Variants in FBXW8 observed in about 807,000 individuals in gnomAD.
FBXW8 encodes F-box/WD repeat-containing protein 8.
FBXW8 carries 57 observed loss-of-function variants against 65.3 expected under a neutral mutation model. The observed-to-expected ratio is 0.87, with a 90% CI of 0.71 to 1.09. The LOEUF (loss-of-function observed/expected upper bound fraction) is 1.09, where lower values mean the gene tolerates loss of function less well. Among genes scored for constraint, FBXW8 ranks in the 50% least tolerant of loss-of-function variants. The pLI is 0.00. For synonymous variants in FBXW8, 308 were observed against 330.2 expected, an observed-to-expected ratio of 0.93 and a Z score of 0.73; for missense variants, 777 against 814.8, an observed-to-expected ratio of 0.95 and a Z score of 0.57.
chr12:116,912,680 G>T (rs1191837442), intron 1 of FBXW8, among the ~76,000 whole-genome samples: 1 of 151,848 alleles, frequency 6.6e-6, no homozygotes, highest in Non-Finnish European at 1.5e-5. Context: ...AGCCAGGATG[G>T]TCTCGATCTC....
intron 1 of FBXW8, among the ~76,000 whole-genome samples, chr12:116,925,614 G>A (rs1005889644): frequency 6.6e-6 from 1 of 152,064 alleles, no homozygotes; most frequent in African/African-American, 2.4e-5. Flanking sequence ...CTCTTTTGGA[G>A]TTTAGATCAT....
Position 117,024,239 on chromosome 12 carries a change from A to T in FBXW8, c.1460A>T (p.Lys487Met). The T allele has an allele frequency of 6.2e-7, 1 of 1,614,210 alleles. No homozygotes were observed. Among genetic ancestry groups the T allele is most frequent in the South Asian group, 1.1e-5 (1 of 91,082 alleles). Residue 487 changes from lysine to methionine, a missense_variant, in exon 9 of 11, where the codon AAG becomes ATG. By Grantham distance (95) the Lys-to-Met change is moderately conservative. Coordinates refer to ENST00000652555, the MANE Select transcript of FBXW8 (RefSeq NM_153348.3). ...TCTGCTGTGCAGATGGATGACTGGA[A>T]GATCGTCAGTGGAGGCGAGGAAGGC... ...RVSAVQMDDW[K>M]IVSGGEEGLV...
chr12:117,000,953 GT>G (rs1369317211), intron 7 of FBXW8, among the ~76,000 whole-genome samples: 1 of 152,198 alleles, frequency 6.6e-6, no homozygotes, highest in East Asian at 1.9e-4. Context: ...AGCTCCTTTT[GT>G]TGCCCATGTA....
chr12:117,005,329 C>G (rs17616800), intron 7 of FBXW8, among the ~76,000 whole-genome samples: 5 of 152,136 alleles, frequency 3.3e-5, no homozygotes, highest in Non-Finnish European at 7.3e-5. Context: ...TAGTGAGATG[C>G]GGGAATGTGT....
At chr12:116,987,451 C>G (rs10774895) in intron 6 of FBXW8, 83,657 of 152,222 alleles carry the variant, frequency 0.55, 26,536 homozygotes, top group Admixed American at 0.7. Flanking sequence ...GTCTCAGACT[C>G]GTGCACATTA....
rs145304670 is a variant in FBXW8 at position 116,954,777 on chromosome 12, C to A, written c.677+5071C>A. Reference sequence around the variant, plus strand: ...TTGTAGCCCTCAGCTTCTTTGCAATCTAACCTTTTGACTTGAAGTCTCCAA... The same window carrying A: ...TTGTAGCCCTCAGCTTCTTTGCAATATAACCTTTTGACTTGAAGTCTCCAA... On this transcript the variant is annotated intron_variant, in intron 4 of 10. Coordinates refer to ENST00000652555, the MANE Select transcript of FBXW8 (RefSeq NM_153348.3). Among the ~76,000 whole-genome samples the A allele has an allele frequency of 5.9e-5, 9 of 152,232 alleles. No homozygotes were observed. The East Asian group carries it at 1.7e-3, about 29-fold the overall frequency.
Position 116,961,104 on chromosome 12 carries a change from T to C in FBXW8, c.678-3593T>C, listed in dbSNP as rs1227973993. Among the ~76,000 whole-genome samples, 1 of 152,190 alleles carries C rather than the reference T, an allele frequency of 6.6e-6. No individual in the cohort carries two copies. Among genetic ancestry groups the C allele is most frequent in the East Asian group, 1.9e-4 (1 of 5,190 alleles). The stretch of plus-strand genomic sequence containing the variant: ...CTCCACCTCCCAGTTCAAGCGATTC[T>C]TCTGCCTCAGCCTCCCAAGTAGGTG... On this transcript the variant is annotated intron_variant, in intron 4 of 10. Coordinates refer to ENST00000652555, the MANE Select transcript of FBXW8 (RefSeq NM_153348.3). This position sits in a 1 kb window ranked among gnomAD's most constrained non-coding sequence, Gnocchi z 4.4.
intron 5 of FBXW8, among the ~76,000 whole-genome samples, chr12:116,980,632 AAAT>A (rs1335761515): frequency 6.6e-6 from 1 of 152,220 alleles, no homozygotes; most frequent in East Asian, 1.9e-4. Flanking sequence ...ATTTAAAAAA[AAAT>A]ACCTATTTGA....
At chr12:116,997,430 G>A in intron 7 of FBXW8, among the ~76,000 whole-genome samples, 1 of 152,190 alleles carries the variant, frequency 6.6e-6, no homozygotes, top group Admixed American at 6.5e-5. Flanking sequence ...ACTGAGCAAG[G>A]GTTCTGCAGT....
At chr12:116,999,189 C>T (rs530041827) in intron 7 of FBXW8, among the ~76,000 whole-genome samples, 10 of 152,336 alleles carry the variant, frequency 6.6e-5, no homozygotes, top group African/African-American at 2.2e-4. Context: ...CACATCTGAG[C>T]GGTCGCATCC....
chr12:116,956,043 T>G (rs2137371389), intron 4 of FBXW8, among the ~76,000 whole-genome samples: 1 of 152,346 alleles, frequency 6.6e-6, no homozygotes, highest in East Asian at 1.9e-4. Flanking sequence ...TTCATAAGGC[T>G]AAAGCATTCT....
intron 1 of FBXW8, among the ~76,000 whole-genome samples, chr12:116,912,171 G>GTTTTTTT (rs57142470): frequency 7.6e-6 from 1 of 131,006 alleles, no homozygotes; most frequent in Non-Finnish European, 1.6e-5. Flanking sequence ...TTTTTTTCCT[G>GTTTTTTT]TTTTTTTTTT....
In FBXW8 at chr12:116,985,319, G is replaced by A. The variant is rs1407965861; in HGVS notation, c.949G>A (p.Ala317Thr). 1 of 1,614,220 alleles carries A rather than the reference G, an allele frequency of 6.2e-7. No homozygotes were observed. The highest frequency in any genetic ancestry group is 1.1e-5 in the South Asian group (1 of 91,082). ...CCAGGACGATGCAACCGTGGCCACA[G>A]CTTCTGCTTTTGATGTCGTGATGTT... ...LSQDDATVAT[A>T]SAFDVVMLSP... The change falls in exon 6 of 11, where the codon GCT becomes ACT. Residue 317 changes from alanine (A) to threonine (T), a missense_variant. Transcript: ENST00000652555.
chr12:117,014,435 A>C (rs534515169), intron 8 of FBXW8, among the ~76,000 whole-genome samples: 1 of 152,164 alleles, frequency 6.6e-6, no homozygotes. Context: ...GACATCTGTT[A>C]ATTGTCTTTT....
At chr12:117,019,095 G>A (rs904442944) in intron 8 of FBXW8, among the ~76,000 whole-genome samples, 2 of 152,196 alleles carry the variant, frequency 1.3e-5, no homozygotes, top group African/African-American at 4.8e-5. Context: ...ATAGGTGTCT[G>A]TAAACGTGAC....
intron 8 of FBXW8, among the ~76,000 whole-genome samples, chr12:117,011,378 C>T (rs948994480): frequency 6.6e-5 from 10 of 152,156 alleles, no homozygotes; most frequent in Non-Finnish European, 1.5e-4. Flanking sequence ...ATTTTCACCT[C>T]CCAACCTTCA....
intron 2 of FBXW8, among the ~76,000 whole-genome samples, chr12:116,940,627 C>T (rs1009732861): frequency 6.6e-6 from 1 of 151,640 alleles, no homozygotes; most frequent in Non-Finnish European, 1.5e-5. Context: ...AGCTGATTAG[C>T]AATCTTTTCT....
At chr12:116,916,161 C>T (rs1378614331) in intron 1 of FBXW8, among the ~76,000 whole-genome samples, 1 of 152,080 alleles carries the variant, frequency 6.6e-6, no homozygotes, top group African/African-American at 2.4e-5. Context: ...GATATAGTGC[C>T]ACCATAAATG....
intron 7 of FBXW8, among the ~76,000 whole-genome samples, chr12:116,997,036 A>C (rs1953394125): frequency 1.3e-5 from 2 of 152,232 alleles, no homozygotes; most frequent in African/African-American, 4.8e-5. Flanking sequence ...ATGAACATTC[A>C]AATGCATTTT....
Sources: allele counts gnomAD v4.1 joint callset (sites outside exome capture counted in the v4.1 genomes callset), GRCh38; gene constraint gnomAD v4.1.1; non-coding constraint Gnocchi (gnomAD v3.1); transcripts MANE v1.5; gene names NCBI Gene and HGNC (gene_info 2026-07-23, HGNC 2026-07-21).